The following ZNF892 variants were observed in gnomAD, a reference collection of about 807,000 sequenced individuals.
ZNF892 encodes the protein zinc finger protein 892.
the ZNF892 span, chr2:95,214,390 A>G: frequency 5.5e-5 from 22 of 398,572 alleles, no homozygotes; most frequent in African/African-American, 4.5e-4. Flanking sequence ...GATATTTCTG[A>G]AGAAGAATCG....
At chr2:95,247,352 T>C in the ZNF892 span, among the ~76,000 whole-genome samples, 1 of 152,138 alleles carries the variant, frequency 6.6e-6, no homozygotes, top group African/African-American at 2.4e-5. Flanking sequence ...TATACAAATA[T>C]TAACTCAAGA....
chr2:95,211,886 G>A, the ZNF892 span, among the ~76,000 whole-genome samples: 1 of 152,146 alleles, frequency 6.6e-6, no homozygotes, highest in African/African-American at 2.4e-5. Flanking sequence ...TAACACTCCT[G>A]GAATTAGACA....
chr2:95,244,747 T>C, the ZNF892 span, among the ~76,000 whole-genome samples: 1 of 152,276 alleles, frequency 6.6e-6, no homozygotes, highest in South Asian at 2.1e-4. Context: ...ATTCTTCTCA[T>C]TACCACGTGG....
the ZNF892 span, among the ~76,000 whole-genome samples, chr2:95,253,849 G>A: frequency 6.6e-6 from 1 of 152,146 alleles, no homozygotes. Flanking sequence ...TCAAGCAATT[G>A]TGAATGGGAG....
chr2:95,231,679 T>C, the ZNF892 span, among the ~76,000 whole-genome samples: 1 of 152,138 alleles, frequency 6.6e-6, no homozygotes, highest in African/African-American at 2.4e-5. Flanking sequence ...AGGGGAACAT[T>C]TGGCAAAAGG....
the ZNF892 span, among the ~76,000 whole-genome samples, chr2:95,248,562 T>C: frequency 6.6e-6 from 1 of 152,198 alleles, no homozygotes; most frequent in Non-Finnish European, 1.5e-5. Context: ...TATAGACTTT[T>C]TGTTTCCCAG....
chr2:95,221,648 A>G, the ZNF892 span, among the ~76,000 whole-genome samples: 1 of 151,948 alleles, frequency 6.6e-6, no homozygotes, highest in East Asian at 1.9e-4. Flanking sequence ...AAATATTTTT[A>G]TTTTCAAGTA....
chr2:95,223,398 G>T, the ZNF892 span, among the ~76,000 whole-genome samples: 16 of 151,598 alleles, frequency 1.1e-4, no homozygotes, highest in South Asian at 2.1e-4. Flanking sequence ...GGGTTTTTTT[G>T]GGGGGGAGGA....
chr2:95,232,957 G>A, the ZNF892 span, among the ~76,000 whole-genome samples: 1 of 152,214 alleles, frequency 6.6e-6, no homozygotes, highest in South Asian at 2.1e-4. Flanking sequence ...TTGGCAAAAG[G>A]CACCTGAAAT....
At chr2:95,253,466 A>G in the ZNF892 span, among the ~76,000 whole-genome samples, 1 of 152,212 alleles carries the variant, frequency 6.6e-6, no homozygotes, top group Non-Finnish European at 1.5e-5. Flanking sequence ...TACCAGTACC[A>G]TGCTGTTTTG....
chr2:95,262,335 C>T, the ZNF892 span, among the ~76,000 whole-genome samples: 2 of 152,206 alleles, frequency 1.3e-5, no homozygotes, highest in Non-Finnish European at 2.9e-5. Flanking sequence ...TTCATCCACA[C>T]AGTGTCTACA....
chr2:95,222,315 G>A, the ZNF892 span, among the ~76,000 whole-genome samples: 1 of 152,158 alleles, frequency 6.6e-6, no homozygotes, highest in Admixed American at 6.5e-5. Context: ...TTAGGTTTTT[G>A]TATGAACATA....
At chr2:95,206,497 G>C in the ZNF892 span, among the ~76,000 whole-genome samples, 1 of 152,154 alleles carries the variant, frequency 6.6e-6, no homozygotes, top group Non-Finnish European at 1.5e-5. Context: ...TAATTCTACA[G>C]AAGTAAAAAC....
the ZNF892 span, among the ~76,000 whole-genome samples, chr2:95,243,344 CT>C: frequency 1.3e-5 from 2 of 151,456 alleles, no homozygotes; most frequent in African/African-American, 2.4e-5. Flanking sequence ...CTCTGCCTGG[CT>C]GCCCAGTCTG....
chr2:95,227,543 C>T, the ZNF892 span, among the ~76,000 whole-genome samples: 1 of 151,246 alleles, frequency 6.6e-6, no homozygotes, highest in Non-Finnish European at 1.5e-5. Context: ...AGGCTGGTCT[C>T]AAACTCTGGG....
At chr2:95,212,060 C>T in the ZNF892 span, 1 of 396,848 alleles carries the variant, frequency 2.5e-6, no homozygotes, top group Non-Finnish European at 4.4e-6. Context: ...TATCAATCTT[C>T]CTACCTCGTG....
the ZNF892 span, among the ~76,000 whole-genome samples, chr2:95,224,381 G>A: frequency 4.6e-5 from 7 of 152,084 alleles, no homozygotes; most frequent in Non-Finnish European, 2.9e-5. Flanking sequence ...ATAAATAACC[G>A]GAAACTAAGT....
At chr2:95,217,366 C>T in the ZNF892 span, among the ~76,000 whole-genome samples, 3 of 152,150 alleles carry the variant, frequency 2.0e-5, no homozygotes, top group South Asian at 2.1e-4. Context: ...AGCCCCCCAC[C>T]GAATTTATGT....
At chr2:95,257,837 G>A in the ZNF892 span, among the ~76,000 whole-genome samples, 37 of 152,006 alleles carry the variant, frequency 2.4e-4, no homozygotes, top group South Asian at 1.2e-3. Flanking sequence ...AGCAATGAGC[G>A]AGGCTCCGTG....
Sources: allele counts gnomAD v4.1 joint callset (sites outside exome capture counted in the v4.1 genomes callset), GRCh38; gene constraint gnomAD v4.1.1; transcripts MANE v1.5; gene names NCBI Gene and HGNC (gene_info 2026-07-23, HGNC 2026-07-21).